Variants in CNTLN observed in about 807,000 individuals in gnomAD.
CNTLN encodes the protein centlein, also known as centlein, centrosomal protein.
A neutral mutation model predicts 180.0 loss-of-function variants in CNTLN; 212 were observed. The ratio of observed to expected loss-of-function variants is 1.18; its 90% CI spans 1.05 to 1.32. The LOEUF is 1.32. Among genes scored for constraint, CNTLN ranks in the 40% most tolerant of loss-of-function variants. The probability of loss-of-function intolerance (pLI) is 0.00; values close to 1 mark genes in which losing one functional copy is unlikely to be tolerated. For missense variants in CNTLN, 2,095 were observed against 1,610.9 expected (o/e 1.30, Z -5.14); for synonymous variants, 722 against 563.1 (o/e 1.28, Z -3.99).
In CNTLN at chr9:17,463,033, A is replaced by G; in HGVS notation, c.3404+20A>G. On this transcript the variant is annotated intron_variant, in intron 20 of 25. Transcript: ENST00000380647. ...TGAAAAGTATGGTTTTTGTATTTCT[A>G]TCCATTGTATTTGGTGCCACCTAGT... 6 of 1,485,378 alleles carry G rather than the reference A, an allele frequency of 4.0e-6. No individual in the cohort carries two copies. The highest frequency in any genetic ancestry group is 5.5e-6 in the Non-Finnish European group (6 of 1,084,202). 92.0% of individuals were successfully genotyped at this position (1,485,378 alleles called of 1,614,324 possible).
the CNTLN span, among the ~76,000 whole-genome samples, chr9:17,522,389 C>G: frequency 3.3e-5 from 5 of 152,124 alleles, no homozygotes; most frequent in African/African-American, 1.2e-4. Flanking sequence ...GATTCCACAG[C>G]AAATACCTGG....
chr9:17,463,872 T>C (rs991087337), intron 20 of CNTLN, among the ~76,000 whole-genome samples: 14 of 151,478 alleles, frequency 9.2e-5, no homozygotes, highest in African/African-American at 3.1e-4. Context: ...AAAGCACTTA[T>C]AACAGTGACT....
rs551674910 is a variant in CNTLN, at chr9:17,144,270, A to T, written c.449+894A>T. On this transcript the variant is annotated intron_variant, in intron 2 of 25. Coordinates refer to ENST00000380647, the MANE Select transcript of CNTLN (RefSeq NM_017738.4). ...TATTATGAACACTTAAAATAGTATA[A>T]TCAGTTTCTTCTCATGTTGCTTGTA... is the stretch of plus-strand genomic sequence containing the variant. 4.6e-5 allele frequency among the ~76,000 whole-genome samples: 7 copies of T among 152,294 alleles called. No individual in the cohort carries two copies. In the South Asian group the frequency reaches 1.4e-3, roughly 32 times the overall value.
intron 15 of CNTLN, among the ~76,000 whole-genome samples, chr9:17,398,361 T>C (rs1224226707): frequency 1.3e-5 from 2 of 151,932 alleles, no homozygotes; most frequent in Non-Finnish European, 2.9e-5. Flanking sequence ...CTCAAATCTG[T>C]CTCCCAGGCT....
Position 17,235,789 on chromosome 9 carries a change from T to A in CNTLN, c.666T>A (p.Ile222=), listed in dbSNP as rs761608773. Residue 222 remains isoleucine (I), a synonymous_variant, in exon 4 of 26, where the codon ATT becomes ATA. Coordinates refer to ENST00000380647, the MANE Select transcript of CNTLN (RefSeq NM_017738.4). ...EKKFKDKSQE[I]KDTKECVQNK... ...AATTTAAAGATAAAAGTCAAGAAAT[T>A]AAGGTGTGTTGACTTGTACATAGTT... 56 of 1,604,220 alleles carry A rather than the reference T, an allele frequency of 3.5e-5. No homozygotes were observed. Among genetic ancestry groups the A allele is most frequent in the Middle Eastern group, 1.7e-4 (1 of 6,032 alleles).
At chr9:17,272,121 C>CCTTT (rs1827994784) in intron 5 of CNTLN, among the ~76,000 whole-genome samples, 1 of 131,908 alleles carries the variant, frequency 7.6e-6, no homozygotes, top group African/African-American at 2.8e-5. Context: ...TCCCTTCCTT[C>CCTTT]CTTTCTTTCC....
chr9:17,521,265 A>AGAGAGAGAGAGAGAGAGAG, the CNTLN span, among the ~76,000 whole-genome samples: 150 of 118,596 alleles, frequency 1.3e-3, 1 homozygote, highest in African/African-American at 4.5e-3. Context: ...AAGGGAGAAA[A>AGAGAGAGAGAGAGAGAGAG]AGAGAGAGAG....
At chr9:17,524,669 A>T in the CNTLN span, among the ~76,000 whole-genome samples, 88 of 152,334 alleles carry the variant, frequency 5.8e-4, no homozygotes, top group Middle Eastern at 0.01. Flanking sequence ...TTCTCAGCTT[A>T]TATTAAGGCT....
intron 18 of CNTLN, among the ~76,000 whole-genome samples, chr9:17,454,239 T>C (rs963791053): frequency 2.0e-5 from 3 of 152,170 alleles, no homozygotes; most frequent in Non-Finnish European, 2.9e-5. Flanking sequence ...TATTAATAGA[T>C]AGTGTCTAGT....
At chr9:17,507,228 G>GTTTTAAAC (rs1317632368), downstream of CNTLN, among the ~76,000 whole-genome samples, 1 of 152,096 alleles carries the variant, frequency 6.6e-6, no homozygotes, top group East Asian at 1.9e-4. Context: ...ACTTTTAAAT[G>GTTTTAAAC]AGAACATGAG....
chr9:17,466,193 T>C, intron 22 of CNTLN, 75 bp downstream of exon 22: 1 of 1,376,144 alleles, frequency 7.3e-7, no homozygotes, highest in Non-Finnish European at 1.0e-6. Flanking sequence ...ACATTGTTGC[T>C]TTTTCCTTCC....
intron 6 of CNTLN, among the ~76,000 whole-genome samples, chr9:17,297,628 T>G (rs1388557355): frequency 2.5e-4 from 38 of 152,216 alleles, no homozygotes; most frequent in Non-Finnish European, 2.9e-5. Context: ...CTTGTGACTT[T>G]CTGACTCTTT....
intron 1 of CNTLN, among the ~76,000 whole-genome samples, chr9:17,142,021 G>A (rs1281286335): frequency 1.3e-5 from 2 of 150,718 alleles, no homozygotes; most frequent in Non-Finnish European, 2.9e-5. Context: ...GGCAGAGGTT[G>A]CAGTGAGCCG....
intron 5 of CNTLN, among the ~76,000 whole-genome samples, chr9:17,256,653 A>C (rs879739867): frequency 2.6e-5 from 4 of 151,960 alleles, no homozygotes; most frequent in Middle Eastern, 3.4e-3. Context: ...ATGTGTATTC[A>C]AATGAGCCGA....
chr9:17,236,653 C>T (rs1825164500), intron 5 of CNTLN, 65 bp downstream of exon 5: 1 of 1,309,372 alleles, frequency 7.6e-7, no homozygotes, highest in East Asian at 2.4e-5. Context: ...AAGTTTAATA[C>T]ATGTTATTTT....
At chr9:17,308,985 C>G in intron 7 of CNTLN, 73 bp from the exon 8 acceptor site, 1 of 998,168 alleles carries the variant, frequency 1.0e-6, no homozygotes. Context: ...TATATACACA[C>G]ACACACACAC....
intron 1 of CNTLN, 137 bp downstream of exon 1, chr9:17,135,562 T>C (rs1172183177): frequency 8.2e-7 from 1 of 1,212,516 alleles, no homozygotes; most frequent in Non-Finnish European, 1.1e-6. Flanking sequence ...CCTGCTTCGC[T>C]CGCGGCCGGG....
chr9:17,296,778 C>A (rs897051309), intron 6 of CNTLN, among the ~76,000 whole-genome samples: 1 of 152,006 alleles, frequency 6.6e-6, no homozygotes, highest in African/African-American at 2.4e-5. Context: ...TGAATTGTTA[C>A]AGGAAAATTG....
intron 15 of CNTLN, among the ~76,000 whole-genome samples, chr9:17,401,737 T>A (rs1299989576): frequency 1.3e-5 from 2 of 151,848 alleles, no homozygotes; most frequent in Non-Finnish European, 2.9e-5. Flanking sequence ...CAAGATTACT[T>A]GTTTATAACT....
Sources: allele counts gnomAD v4.1 joint callset (sites outside exome capture counted in the v4.1 genomes callset), GRCh38; gene constraint gnomAD v4.1.1; transcripts MANE v1.5; gene names NCBI Gene and HGNC (gene_info 2026-07-23, HGNC 2026-07-21).